Variants in DIPK1C observed in about 807,000 individuals in gnomAD.
The protein encoded by DIPK1C is familial non-conventional Alzheimer's dementia.
Under a neutral mutation model 28.0 loss-of-function variants are expected in DIPK1C, and 33 were observed. The ratio of observed to expected loss-of-function variants is 1.18; its 90% CI spans 0.89 to 1.58. The LOEUF is 1.58. Among genes scored for constraint, DIPK1C ranks in the 40% most tolerant of loss-of-function variants. The pLI, the probability that DIPK1C is intolerant of heterozygous loss-of-function variation, is 0.00. For missense variants in DIPK1C, 569 were observed against 568.5 expected, an observed-to-expected ratio of 1.00 and a Z score of -0.01; for synonymous variants, 255 against 248.8, an observed-to-expected ratio of 1.02 and a Z score of -0.23.
In DIPK1C at chr18:74,435,687, C is replaced by T. The variant is rs1258814675; in HGVS notation, c.*814G>A. ...CAAAATGAAAAATACTATAAGCTGC[C>T]GTTACACACGCTCTCCAATGCAAAT... On this transcript the variant is annotated 3_prime_UTR_variant, in exon 4 of 4. Coordinates refer to ENST00000343998, the MANE Select transcript of DIPK1C (RefSeq NM_001044369.3). 1.3e-5 allele frequency: 2 copies of T among 152,152 alleles called. No individual in the cohort carries two copies. The highest frequency in any genetic ancestry group is 4.8e-5 in the African/African-American group (2 of 41,416). 9.4% of individuals were successfully genotyped at this position (152,152 alleles called of 1,614,324 possible). A position where few individuals can be genotyped will look rare whatever the true frequency, so the allele number is the denominator to read the frequency against.
At position 74,434,900 on chromosome 18, in the gene DIPK1C, ACT is replaced by A. The variant is rs1568259498; in HGVS notation, c.*1599_*1600del. On this transcript the variant is annotated 3_prime_UTR_variant, in exon 4 of 4. Coordinates refer to ENST00000343998, the MANE Select transcript of DIPK1C (RefSeq NM_001044369.3). Reference sequence around the variant, plus strand: ...CCATGATGAGGAGGCCCTCTATGGAACTCTGTGTCATTTGGAAGATCCCCAGT... The same window carrying A: ...CCATGATGAGGAGGCCCTCTATGGAACTGTGTCATTTGGAAGATCCCCAGT... 6.6e-6 allele frequency: 1 copy of A among 152,198 alleles called. No homozygotes were observed. The highest frequency in any genetic ancestry group is 1.5e-5 in the Non-Finnish European group (1 of 68,032). 9.4% of individuals were successfully genotyped at this position (152,198 alleles called of 1,614,324 possible).
chr18:74,448,099 C>T (rs1986314609), intron 1 of DIPK1C, among the ~76,000 whole-genome samples: 1 of 152,150 alleles, frequency 6.6e-6, no homozygotes, highest in East Asian at 1.9e-4. Flanking sequence ...CCACAAATTC[C>T]CTGAGAAGCC....
chr18:74,444,980 C>G (rs1044365650), intron 2 of DIPK1C, among the ~76,000 whole-genome samples: 4 of 152,228 alleles, frequency 2.6e-5, no homozygotes, highest in African/African-American at 9.7e-5. Context: ...ATGTCGCCCA[C>G]TCGGCATCAC....
Position 74,436,684 on chromosome 18 carries a change from G to A in DIPK1C, c.1077C>T (p.Ser359=), listed in dbSNP as rs766264139. The change falls in exon 4 of 4, where the codon TCC becomes TCT. Residue 359 remains serine (S), a synonymous_variant. Coordinates refer to ENST00000343998, the MANE Select transcript of DIPK1C (RefSeq NM_001044369.3). ...AGACCGCAGAGCTCTTGAGAGGCGC[G>A]GAAAACCAATGGCGAAATATTTTGT... The part of the protein sequence containing the change: ...ICDKIFRHWF[S]APLKSSAVSF... 13 of 1,613,504 alleles carry A rather than the reference G, an allele frequency of 8.1e-6. No individual in the cohort carries two copies. The highest frequency in any genetic ancestry group is 1.7e-4 in the Middle Eastern group (1 of 6,024).
intron 3 of DIPK1C, among the ~76,000 whole-genome samples, chr18:74,439,166 C>T (rs1467107536): frequency 1.3e-5 from 2 of 150,410 alleles, no homozygotes; most frequent in Non-Finnish European, 3.0e-5. Flanking sequence ...TTCTCTTAGG[C>T]TTTGTTCATA....
chr18:74,463,988 C>A, the DIPK1C span, among the ~76,000 whole-genome samples: 1 of 152,182 alleles, frequency 6.6e-6, no homozygotes, highest in African/African-American at 2.4e-5. Flanking sequence ...ATTCTGATGG[C>A]TCTGAAGTTA....
chr18:74,448,107 G>T (rs1412578562), intron 1 of DIPK1C, among the ~76,000 whole-genome samples: 1 of 152,162 alleles, frequency 6.6e-6, no homozygotes, highest in African/African-American at 2.4e-5. Context: ...TCCCTGAGAA[G>T]CCCGTCCAGC....
intron 2 of DIPK1C, among the ~76,000 whole-genome samples, chr18:74,446,330 G>A (rs1285468184): frequency 6.6e-6 from 1 of 152,240 alleles, no homozygotes; most frequent in Non-Finnish European, 1.5e-5. Context: ...ACAGAGCTCA[G>A]GTGAAGGAAC....
rs183100378 is a variant in DIPK1C at position 74,448,378 on chromosome 18, T to C, written c.199-1095A>G. 1.6e-3 allele frequency among the ~76,000 whole-genome samples: 237 copies of C among 152,226 alleles called. 1 individual carries two copies. The highest frequency in any genetic ancestry group is 5.2e-3 in the African/African-American group (218 of 41,532). On this transcript the variant is annotated intron_variant, in intron 1 of 3. Transcript: ENST00000343998. Reference sequence around the variant, plus strand: ...AGTCACCCTCGTTCCTCTAAGGGCATGAGAAATACCAAATCCCAAAGCTGT... The same window carrying C: ...AGTCACCCTCGTTCCTCTAAGGGCACGAGAAATACCAAATCCCAAAGCTGT...
chr18:74,453,712 C>T (rs1986446475), intron 1 of DIPK1C, among the ~76,000 whole-genome samples: 1 of 152,080 alleles, frequency 6.6e-6, no homozygotes, highest in Non-Finnish European at 1.5e-5. Flanking sequence ...TGTAGGGTTT[C>T]CATTATTAGA....
intron 1 of DIPK1C, among the ~76,000 whole-genome samples, chr18:74,451,344 C>T (rs1025760848): frequency 6.6e-6 from 1 of 152,156 alleles, no homozygotes; most frequent in African/African-American, 2.4e-5. Context: ...CCTACCCGGC[C>T]TGGCCAAATC....
At chr18:74,445,798 A>G (rs918565406) in intron 2 of DIPK1C, among the ~76,000 whole-genome samples, 4 of 152,166 alleles carry the variant, frequency 2.6e-5, no homozygotes, top group Admixed American at 6.5e-5. Flanking sequence ...CACCCATGAC[A>G]TGCCTGCCAG....
chr18:74,437,181 A>G (rs1986017136), intron 3 of DIPK1C, among the ~76,000 whole-genome samples: 2 of 152,222 alleles, frequency 1.3e-5, no homozygotes, highest in Non-Finnish European at 2.9e-5. Flanking sequence ...AACAATGACC[A>G]TCTGACCGGG....
Position 74,457,236 on chromosome 18 carries a change from C to T in DIPK1C, c.24G>A (p.Arg8=). The part of the protein sequence containing the change: MARAAGA[R]GPAGWCRRRG... Reference sequence around the variant, plus strand: ...GCCTCCTGCACCACCCGGCAGGGCCCCGCGCGCCCGCCGCCCGCGCCATGG... The same window carrying T: ...GCCTCCTGCACCACCCGGCAGGGCCTCGCGCGCCCGCCGCCCGCGCCATGG... The change falls in exon 1 of 4, where the codon CGG becomes CGA. Residue 8 remains arginine, a synonymous_variant. Coordinates refer to ENST00000343998, the MANE Select transcript of DIPK1C (RefSeq NM_001044369.3). The T allele has an allele frequency of 9.7e-7, 1 of 1,029,830 alleles. No individual in the cohort carries two copies. The highest frequency in any genetic ancestry group is 8.9e-5 in the East Asian group (1 of 11,268). The allele number at this position is 1,029,830 out of a possible 1,614,324, so 63.8% of individuals were successfully genotyped here.
upstream of DIPK1C, among the ~76,000 whole-genome samples, chr18:74,460,656 A>T (rs1329845563): frequency 6.6e-6 from 1 of 152,212 alleles, no homozygotes; most frequent in Non-Finnish European, 1.5e-5. Context: ...AATGAGCGGG[A>T]CATAGGAAAG....
intron 3 of DIPK1C, 22 bp downstream of exon 3, chr18:74,441,930 C>A (rs760599300): frequency 1.9e-6 from 3 of 1,606,486 alleles, no homozygotes; most frequent in African/African-American, 1.3e-5. Context: ...TCTCCTCCCC[C>A]AGCCCTGGCG....
At chr18:74,456,998 G>A in intron 1 of DIPK1C, 64 bp downstream of exon 1, 1 of 1,338,844 alleles carries the variant, frequency 7.5e-7, no homozygotes, top group South Asian at 1.7e-5. Flanking sequence ...GCTGGGGACC[G>A]GGAGCGGGTG....
chr18:74,460,627 T>C (rs1490576213), upstream of DIPK1C, among the ~76,000 whole-genome samples: 2 of 152,256 alleles, frequency 1.3e-5, no homozygotes, highest in African/African-American at 4.8e-5. Context: ...TCCGCCGCTC[T>C]GGTCTCTGCA....
the DIPK1C span, among the ~76,000 whole-genome samples, chr18:74,463,346 A>G: frequency 1.3e-5 from 2 of 152,206 alleles, no homozygotes; most frequent in African/African-American, 4.8e-5. Flanking sequence ...TTACAAAATG[A>G]AGCACTTTGT....
Sources: gnomAD v4.1 joint callset for allele counts (sites outside exome capture counted in the v4.1 genomes callset) on GRCh38, gnomAD v4.1.1 for gene constraint, MANE v1.5 for transcripts, NCBI Gene and HGNC (gene_info 2026-07-23, HGNC 2026-07-21) for gene names.